The following RXRA variants were observed in gnomAD, a reference collection of about 807,000 sequenced individuals.
The protein encoded by RXRA is retinoid X receptor alpha.
RXRA carries 5 observed loss-of-function variants against 44.5 expected under a neutral mutation model. The observed-to-expected ratio is 0.11, with a 90% CI of 0.06 to 0.24. RXRA has a LOEUF of 0.24. Ranked by LOEUF, RXRA falls within the 10% of genes least tolerant of loss-of-function variation. The pLI is 1.00. For synonymous variants in RXRA, 291 were observed against 271.4 expected (o/e 1.07, Z -0.71); for missense variants, 412 against 646.5 (o/e 0.64, Z 3.93).
chr9:134,369,317 TG>T (rs1564273020), intron 1 of RXRA, among the ~76,000 whole-genome samples: 2 of 53,828 alleles, frequency 3.7e-5, no homozygotes, highest in African/African-American at 1.8e-4. Context: ...GTGCAGGGGT[TG>T]TGTGTGTGGG....
At chr9:134,418,124 C>T (rs1336328823) in intron 5 of RXRA, among the ~76,000 whole-genome samples, 1 of 152,158 alleles carries the variant, frequency 6.6e-6, no homozygotes, top group African/African-American at 2.4e-5. Flanking sequence ...CTACCCTACC[C>T]TAAGGCCTAG....
intron 4 of RXRA, among the ~76,000 whole-genome samples, chr9:134,414,417 G>GC (rs1338286055): frequency 6.6e-6 from 1 of 152,246 alleles, no homozygotes; most frequent in Non-Finnish European, 1.5e-5. Flanking sequence ...GCACCTCCAG[G>GC]CCCCCCGTGT....
intron 7 of RXRA, among the ~76,000 whole-genome samples, chr9:134,429,743 C>T (rs1473886718): frequency 6.6e-6 from 1 of 152,166 alleles, no homozygotes; most frequent in Non-Finnish European, 1.5e-5. Context: ...TCAGGGGACA[C>T]ACTGGAGGAG....
At chr9:134,423,087 G>A (rs1339283947) in intron 6 of RXRA, 11 of 985,348 alleles carry the variant, frequency 1.1e-5, no homozygotes, top group Non-Finnish European at 1.3e-5. Context: ...CCTGGATGGG[G>A]CAGGCCCCCC....
At chr9:134,398,495 A>T (rs537021100) in intron 1 of RXRA, among the ~76,000 whole-genome samples, 1 of 151,686 alleles carries the variant, frequency 6.6e-6, no homozygotes, top group South Asian at 2.1e-4. Flanking sequence ...CACCCAGCCT[A>T]TTGTCACCCA....
In RXRA at chr9:134,434,154, C is replaced by T; in HGVS notation, c.1188C>T (p.Val396=). 2.5e-6 allele frequency: 4 copies of T among 1,613,786 alleles called. No individual in the cohort carries two copies. The highest frequency in any genetic ancestry group is 3.4e-6 in the Non-Finnish European group (4 of 1,179,898). The change falls in exon 9 of 10, where the codon GTC becomes GTT. Residue 396 remains valine, a synonymous_variant. Transcript: ENST00000481739. ...PAEVEALREK[V]YASLEAYCKH... ...AGGTGGAGGCGCTGAGGGAGAAGGT[C>T]TATGCGTCCTTGGAGGCCTACTGCA...
chr9:134,338,543 C>T (rs1554747646), intron 1 of RXRA, among the ~76,000 whole-genome samples: 1 of 152,208 alleles, frequency 6.6e-6, no homozygotes, highest in Non-Finnish European at 1.5e-5. Context: ...GTGCGTCTGG[C>T]CGCAGTCAGT....
At chr9:134,352,366 A>G (rs1373757480) in intron 1 of RXRA, among the ~76,000 whole-genome samples, 3 of 152,114 alleles carry the variant, frequency 2.0e-5, no homozygotes, top group African/African-American at 7.2e-5. Context: ...GGGACCCTGG[A>G]TGAGTCTGGG....
intron 1 of RXRA, among the ~76,000 whole-genome samples, chr9:134,368,235 C>T (rs557559470): frequency 1.1e-4 from 16 of 152,318 alleles, no homozygotes; most frequent in African/African-American, 3.6e-4. Context: ...GCCCTGTGTC[C>T]CCAGGGCTCT....
chr9:134,347,334 G>A (rs1830165135), intron 1 of RXRA, among the ~76,000 whole-genome samples: 3 of 152,356 alleles, frequency 2.0e-5, no homozygotes, highest in East Asian at 1.9e-4. Flanking sequence ...GCGCCCTGCC[G>A]CGGTGTTGAC....
chr9:134,390,406 G>C (rs1285912833), intron 1 of RXRA, among the ~76,000 whole-genome samples: 2 of 152,216 alleles, frequency 1.3e-5, no homozygotes, highest in Non-Finnish European at 2.9e-5. Flanking sequence ...AAAGTCCAAA[G>C]CCCCCAGTCT....
intron 6 of RXRA, chr9:134,422,886 A>C: frequency 1.0e-6 from 1 of 985,456 alleles, no homozygotes. Context: ...CAGGAGAGCC[A>C]CGTGCTCTCT....
chr9:134,391,329 C>T (rs966097732), intron 1 of RXRA, among the ~76,000 whole-genome samples: 19 of 152,196 alleles, frequency 1.2e-4, no homozygotes, highest in African/African-American at 4.6e-4. Flanking sequence ...AGACGAGAGC[C>T]GCCCTGAGGG....
At chr9:134,347,471 G>A (rs906798143) in intron 1 of RXRA, among the ~76,000 whole-genome samples, 2 of 152,204 alleles carry the variant, frequency 1.3e-5, no homozygotes, top group Admixed American at 6.5e-5. Flanking sequence ...CGCAGTGTCC[G>A]GGCTTCTGCC....
chr9:134,387,776 A>G (rs1184288258), intron 1 of RXRA, among the ~76,000 whole-genome samples: 15 of 152,198 alleles, frequency 9.9e-5, no homozygotes. Context: ...GCTGGTGACC[A>G]TGAGCCTGTC....
rs1043224370 is a variant in RXRA, at chr9:134,365,900, G to A, written c.29-35732G>A. ...GAGGGTTCCTGGGCTGGGATTGGCC[G>A]TCGGGGAGGTGCACACAGACGCTCA... On this transcript the variant is annotated intron_variant, in intron 1 of 9. Coordinates refer to ENST00000481739, the MANE Select transcript of RXRA (RefSeq NM_002957.6). The surrounding 1 kb of genome is among the most constrained non-coding windows in gnomAD (Gnocchi z 4.0). 5.3e-5 allele frequency among the ~76,000 whole-genome samples: 8 copies of A among 152,084 alleles called. No homozygotes were observed. Among genetic ancestry groups the A allele is most frequent in the African/African-American group, 1.4e-4 (6 of 41,408 alleles).
intron 1 of RXRA, among the ~76,000 whole-genome samples, chr9:134,341,844 C>A (rs747885708): frequency 6.6e-6 from 1 of 152,136 alleles, no homozygotes. Flanking sequence ...AGGCACTGGG[C>A]GGTGTGGTCT....
chr9:134,361,822 C>T (rs527349336), intron 1 of RXRA, among the ~76,000 whole-genome samples: 29 of 152,288 alleles, frequency 1.9e-4, no homozygotes, highest in African/African-American at 6.7e-4. Flanking sequence ...GGCCTGAGCA[C>T]GGTGGGTCTC....
chr9:134,409,268 C>T, intron 4 of RXRA, 149 bp downstream of exon 4: 2 of 794,194 alleles, frequency 2.5e-6, no homozygotes, highest in South Asian at 2.0e-5. Context: ...GGGCGGGGCC[C>T]AGCGCGTGGG....
Sources: gnomAD v4.1 joint callset for allele counts (sites outside exome capture counted in the v4.1 genomes callset) on GRCh38, gnomAD v4.1.1 for gene constraint, Gnocchi (gnomAD v3.1) non-coding constraint, MANE v1.5 for transcripts, NCBI Gene and HGNC (gene_info 2026-07-23, HGNC 2026-07-21) for gene names.